KLF12: variants seen among roughly 807,000 people sequenced by gnomAD.
The protein encoded by KLF12 is Krueppel-like factor 12.
Under a neutral mutation model 37.8 loss-of-function variants are expected in KLF12, and 9 were observed. The observed-to-expected ratio is 0.24, with a 90% CI of 0.14 to 0.42. KLF12 has a LOEUF of 0.42. Among genes scored for constraint, KLF12 ranks in the 10% least tolerant of loss-of-function variants. The pLI is 1.00. For missense variants in KLF12, 411 were observed against 516.0 expected (o/e 0.80, Z 1.97); for synonymous variants, 208 against 202.1 (o/e 1.03, Z -0.25).
chr13:73,817,146 A>G (rs1883266336), intron 4 of KLF12, among the ~76,000 whole-genome samples: 1 of 151,504 alleles, frequency 6.6e-6, no homozygotes, highest in Non-Finnish European at 1.5e-5. Context: ...GTGAGACCCA[A>G]CCTCTACAAG....
intron 5 of KLF12, among the ~76,000 whole-genome samples, chr13:73,765,454 A>G (rs552536661): frequency 2.6e-5 from 4 of 152,182 alleles, no homozygotes; most frequent in Admixed American, 2.6e-4. Flanking sequence ...GAAGCAAACA[A>G]CGTTATTCAA....
chr13:73,814,086 A>G (rs761546695), intron 4 of KLF12, among the ~76,000 whole-genome samples: 6 of 152,316 alleles, frequency 3.9e-5, no homozygotes, highest in Non-Finnish European at 7.3e-5. Flanking sequence ...TTTCATTTCC[A>G]TCTCCTTCTC....
chr13:74,220,832 C>A, the KLF12 span, among the ~76,000 whole-genome samples: 1 of 152,144 alleles, frequency 6.6e-6, no homozygotes, highest in Non-Finnish European at 1.5e-5. Flanking sequence ...CACATTGACT[C>A]AAATGACAGG....
At chr13:74,251,614 T>A in the KLF12 span, among the ~76,000 whole-genome samples, 1 of 152,058 alleles carries the variant, frequency 6.6e-6, no homozygotes, top group East Asian at 1.9e-4. Flanking sequence ...CATTCTCCCA[T>A]CCTCCCTCAT....
intron 4 of KLF12, among the ~76,000 whole-genome samples, chr13:73,819,194 T>C (rs987617848): frequency 1.3e-5 from 2 of 152,198 alleles, no homozygotes; most frequent in Admixed American, 1.3e-4. Context: ...ACATCTGACC[T>C]TGGGCAATGA....
chr13:74,263,581 T>C, the KLF12 span, among the ~76,000 whole-genome samples: 1 of 152,194 alleles, frequency 6.6e-6, no homozygotes, highest in African/African-American at 2.4e-5. Context: ...TTTAATTTTC[T>C]CTTCTCATTC....
At chr13:74,190,046 A>G in the KLF12 span, among the ~76,000 whole-genome samples, 1 of 152,224 alleles carries the variant, frequency 6.6e-6, no homozygotes, top group Admixed American at 6.5e-5. Context: ...GATTACTGCA[A>G]AGAGTAACCT....
intron 7 of KLF12, among the ~76,000 whole-genome samples, chr13:73,698,213 G>C (rs1365396461): frequency 6.6e-6 from 1 of 151,592 alleles, no homozygotes; most frequent in East Asian, 1.9e-4. Context: ...GGAAGGAGGA[G>C]GGGAGGGGGA....
chr13:74,049,149 C>T (rs185062436), intron 1 of KLF12, among the ~76,000 whole-genome samples: 9 of 152,298 alleles, frequency 5.9e-5, no homozygotes, highest in African/African-American at 2.2e-4. Context: ...CAGTTTATTG[C>T]TAGTGCAGAG....
At chr13:73,811,934 GT>G (rs947470800) in intron 5 of KLF12, among the ~76,000 whole-genome samples, 16 of 151,974 alleles carry the variant, frequency 1.1e-4, no homozygotes, top group Non-Finnish European at 2.2e-4. Flanking sequence ...TCTTTTCTTT[GT>G]TTTTTAATTT....
chr13:74,267,514 C>T, the KLF12 span, among the ~76,000 whole-genome samples: 75 of 152,140 alleles, frequency 4.9e-4, no homozygotes, highest in Middle Eastern at 3.4e-3. Flanking sequence ...CTCACTCATA[C>T]GTGGGAGCTT....
At chr13:74,088,316 C>A (rs1593889499) in intron 1 of KLF12, among the ~76,000 whole-genome samples, 1 of 151,584 alleles carries the variant, frequency 6.6e-6, no homozygotes, top group East Asian at 1.9e-4. Context: ...AGGCTGGAAT[C>A]TCCTGAGTTC....
intron 4 of KLF12, among the ~76,000 whole-genome samples, chr13:73,820,526 G>A (rs1415198568): frequency 6.6e-6 from 1 of 152,108 alleles, no homozygotes; most frequent in East Asian, 1.9e-4. Flanking sequence ...CTAATGTTTC[G>A]ACAATGCCTT....
chr13:74,175,505 G>A, the KLF12 span, among the ~76,000 whole-genome samples: 1 of 152,170 alleles, frequency 6.6e-6, no homozygotes, highest in Non-Finnish European at 1.5e-5. Flanking sequence ...AGCTTTTCAT[G>A]CCTTTGAAAA....
At position 73,687,272 on chromosome 13, in the gene KLF12, G is replaced by C. The variant is rs1873549047; in HGVS notation, c.*8218C>G. ...TAAGTACTTATCTCACATCCACAGA[G>C]AGTTGGTTTGCCATGTGATGCAATG... On this transcript the variant is annotated 3_prime_UTR_variant, in exon 8 of 8. Transcript: ENST00000377669. 6.6e-6 allele frequency: 1 copy of C among 152,616 alleles called. No individual in the cohort carries two copies. Among genetic ancestry groups the C allele is most frequent in the Non-Finnish European group, 1.5e-5 (1 of 68,046 alleles). The allele number at this position is 152,616 out of a possible 1,614,324, so 9.5% of individuals were successfully genotyped here. A position where few individuals can be genotyped will look rare whatever the true frequency, so the allele number is the denominator to read the frequency against.
At chr13:74,288,226 C>G in the KLF12 span, among the ~76,000 whole-genome samples, 1 of 152,130 alleles carries the variant, frequency 6.6e-6, no homozygotes, top group Admixed American at 6.6e-5. Context: ...AGAGGTAAGT[C>G]TAGTGGAAGG....
intron 1 of KLF12, among the ~76,000 whole-genome samples, chr13:74,104,567 G>A (rs1391640717): frequency 6.6e-6 from 1 of 151,986 alleles, no homozygotes; most frequent in East Asian, 1.9e-4. Flanking sequence ...TCTGTTAATG[G>A]TACTCCCATT....
the KLF12 span, among the ~76,000 whole-genome samples, chr13:74,165,414 T>A: frequency 1.3e-5 from 2 of 148,766 alleles, no homozygotes; most frequent in African/African-American, 4.9e-5. Flanking sequence ...TCCTCCCACC[T>A]CAGCCTCCCA....
the KLF12 span, among the ~76,000 whole-genome samples, chr13:74,155,160 G>C: frequency 6.6e-6 from 1 of 152,090 alleles, no homozygotes; most frequent in Non-Finnish European, 1.5e-5. Flanking sequence ...CTTGTCTAAG[G>C]TTTGAATTAG....
Sources: gnomAD v4.1 joint callset for allele counts (sites outside exome capture counted in the v4.1 genomes callset) on GRCh38, gnomAD v4.1.1 for gene constraint, MANE v1.5 for transcripts, NCBI Gene and HGNC (gene_info 2026-07-23, HGNC 2026-07-21) for gene names.